Variants in STK32C observed in about 807,000 individuals in gnomAD.
The protein encoded by STK32C is serine/threonine-protein kinase 32C.
Under a neutral mutation model 56.5 loss-of-function variants are expected in STK32C, and 31 were observed. The ratio of observed to expected loss-of-function variants is 0.55; its 90% CI spans 0.41 to 0.74. STK32C has a LOEUF of 0.74. Ranked by LOEUF, STK32C falls within the 30% of genes least tolerant of loss-of-function variation. The pLI, the probability that STK32C is intolerant of heterozygous loss-of-function variation, is 0.00. For synonymous variants in STK32C, 309 were observed against 289.4 expected, an observed-to-expected ratio of 1.07 and a Z score of -0.69; for missense variants, 544 against 676.9, an observed-to-expected ratio of 0.80 and a Z score of 2.18.
Position 132,268,070 on chromosome 10 carries a change from C to CGT in STK32C, c.263-22117_263-22116dup, listed in dbSNP as rs372495069. 2.3e-4 allele frequency among the ~76,000 whole-genome samples: 30 copies of CGT among 127,954 alleles called. 1 individual carries two copies. The highest frequency in any genetic ancestry group is 4.9e-4 in the East Asian group (2 of 4,080). 83.9% of individuals were successfully genotyped at this position (127,954 alleles called of 152,430 possible). Reference sequence around the variant, plus strand: ...GTCTGTGTGCCCACATGTCCCACGTCGTGTGTGTGTGTGTCGGTGTGTGTG... The same window carrying CGT: ...GTCTGTGTGCCCACATGTCCCACGTCGTGTGTGTGTGTGTGTCGGTGTGTGTG... On this transcript the variant is annotated intron_variant, in intron 1 of 11. Coordinates refer to ENST00000298630, the MANE Select transcript of STK32C (RefSeq NM_173575.4).
chr10:132,222,807 G>C, intron 9 of STK32C, 35 bp from the exon 10 acceptor site: 1 of 1,593,930 alleles, frequency 6.3e-7, no homozygotes, highest in South Asian at 1.1e-5. Flanking sequence ...CCGGCCCGTG[G>C]AGGACGCCAC....
intron 1 of STK32C, among the ~76,000 whole-genome samples, chr10:132,294,228 G>C (rs756895273): frequency 1.3e-5 from 2 of 151,430 alleles, no homozygotes; most frequent in African/African-American, 4.9e-5. Context: ...AGTCAGAGAC[G>C]AGGAGGATCC....
At chr10:132,281,140 C>T (rs997868083) in intron 1 of STK32C, among the ~76,000 whole-genome samples, 8 of 151,686 alleles carry the variant, frequency 5.3e-5, no homozygotes, top group African/African-American at 1.2e-4. Flanking sequence ...GACAACAGAG[C>T]AAGACCTATC....
chr10:132,253,071 A>T (rs1400673123), intron 1 of STK32C, among the ~76,000 whole-genome samples: 2 of 152,224 alleles, frequency 1.3e-5, no homozygotes, highest in African/African-American at 4.8e-5. Context: ...TAAGCCCAGC[A>T]CCCAGACAGC....
chr10:132,252,090 G>A (rs116569655), intron 1 of STK32C, among the ~76,000 whole-genome samples: 6,063 of 152,334 alleles, frequency 0.04, 199 homozygotes, highest in African/African-American at 0.087. Flanking sequence ...CTCAGGGCTG[G>A]ACTTTGGCAC....
chr10:132,251,633 G>C (rs534661412), intron 1 of STK32C, among the ~76,000 whole-genome samples: 1 of 152,014 alleles, frequency 6.6e-6, no homozygotes, highest in Admixed American at 6.6e-5. Flanking sequence ...GCTTCTGGGG[G>C]TTGAGCCCTG....
At chr10:132,210,973 G>A (rs992888416) in intron 10 of STK32C, among the ~76,000 whole-genome samples, 7 of 152,298 alleles carry the variant, frequency 4.6e-5, no homozygotes, top group African/African-American at 2.4e-5. Context: ...CGGTGTGAGC[G>A]GCCAGCACCT....
intron 1 of STK32C, among the ~76,000 whole-genome samples, chr10:132,278,919 T>A (rs986178887): frequency 6.6e-6 from 1 of 152,176 alleles, no homozygotes; most frequent in Non-Finnish European, 1.5e-5. Context: ...GGGCCACTCA[T>A]GGTACAAGAG....
At chr10:132,227,885 G>T in intron 3 of STK32C, 92 bp downstream of exon 3, 1 of 1,504,526 alleles carries the variant, frequency 6.6e-7, no homozygotes, top group Non-Finnish European at 8.9e-7. Context: ...AGGCACGAGG[G>T]CCAAGGAGCA....
intron 1 of STK32C, among the ~76,000 whole-genome samples, chr10:132,317,591 C>T (rs2066330419): frequency 6.6e-6 from 1 of 152,134 alleles, no homozygotes; most frequent in South Asian, 2.1e-4. Context: ...TAAAAATTCA[C>T]ATGGTGTGGT....
chr10:132,224,904 G>GT (rs2062829144), intron 7 of STK32C, among the ~76,000 whole-genome samples: 1 of 152,194 alleles, frequency 6.6e-6, no homozygotes, highest in Non-Finnish European at 1.5e-5. Flanking sequence ...GGCCACAAGG[G>GT]TAAGAGCACA....
chr10:132,304,115 G>A (rs1372396471), intron 1 of STK32C, among the ~76,000 whole-genome samples: 1 of 152,228 alleles, frequency 6.6e-6, no homozygotes, highest in Non-Finnish European at 1.5e-5. Context: ...AATGCCAAGT[G>A]CACAAAGATC....
intron 1 of STK32C, among the ~76,000 whole-genome samples, chr10:132,314,475 G>C (rs1387123222): frequency 1.3e-5 from 2 of 152,158 alleles, no homozygotes; most frequent in Non-Finnish European, 2.9e-5. Flanking sequence ...GGGACACAAG[G>C]AAAATAAAGA....
At chr10:132,295,957 C>T (rs1392630223) in intron 1 of STK32C, among the ~76,000 whole-genome samples, 1 of 151,604 alleles carries the variant, frequency 6.6e-6, no homozygotes, top group Admixed American at 6.6e-5. Flanking sequence ...CCCCCACACC[C>T]GGTGTGGGCT....
chr10:132,232,677 C>T (rs970099313), intron 2 of STK32C, among the ~76,000 whole-genome samples: 8 of 152,038 alleles, frequency 5.3e-5, no homozygotes, highest in Admixed American at 2.0e-4. Context: ...AAGCCAACCC[C>T]GGGCTCCGGA....
intron 10 of STK32C, among the ~76,000 whole-genome samples, chr10:132,212,198 G>A (rs115194822): frequency 0.013 from 1,916 of 152,292 alleles, 43 homozygotes; most frequent in African/African-American, 0.043. Context: ...TGATTTGAAA[G>A]CTTGCTACAA....
rs1430744974 is a variant in STK32C at position 132,225,624 on chromosome 10, G to C, written c.683-8C>G. Reference sequence around the variant, plus strand: ...CGGTCAGGTGTGCATGTCCTGTGCAGAGAGGGGTCAGGTGTGGCTGTCCCA... The same window carrying C: ...CGGTCAGGTGTGCATGTCCTGTGCACAGAGGGGTCAGGTGTGGCTGTCCCA... On this transcript the variant is annotated splice_region_variant and splice_polypyrimidine_tract_variant and intron_variant, in intron 5 of 11. Transcript: ENST00000298630. 4 of 1,611,004 alleles carry C rather than the reference G, an allele frequency of 2.5e-6. No individual in the cohort carries two copies. Among genetic ancestry groups the C allele is most frequent in the Non-Finnish European group, 3.4e-6 (4 of 1,177,756 alleles).
intron 1 of STK32C, among the ~76,000 whole-genome samples, chr10:132,258,351 G>A (rs1314080190): frequency 6.6e-6 from 1 of 152,364 alleles, no homozygotes; most frequent in South Asian, 2.1e-4. Context: ...ACCATCAACA[G>A]CACTCGAAGA....
intron 1 of STK32C, among the ~76,000 whole-genome samples, chr10:132,285,410 G>A (rs1482854380): frequency 1.3e-5 from 2 of 152,238 alleles, no homozygotes; most frequent in Non-Finnish European, 2.9e-5. Flanking sequence ...TTAAAGAGCA[G>A]ATATTTTCAG....
Sources: gnomAD v4.1 joint callset for allele counts (sites outside exome capture counted in the v4.1 genomes callset) on GRCh38, gnomAD v4.1.1 for gene constraint, MANE v1.5 for transcripts, NCBI Gene and HGNC (gene_info 2026-07-23, HGNC 2026-07-21) for gene names.